TCF4: variants seen among roughly 807,000 people sequenced by gnomAD.
The protein encoded by TCF4 is transcription factor 4, also known as SL3-3 enhancer factor 2.
TCF4 carries 3 observed loss-of-function variants against 82.1 expected under a neutral mutation model. That is an observed-to-expected ratio of 0.04 (90% CI 0.02 to 0.09). The LOEUF (loss-of-function observed/expected upper bound fraction) is 0.09, where lower values mean the gene tolerates loss of function less well. TCF4 is among the 10% of genes least tolerant of loss of function. The pLI is 1.00. For missense variants in TCF4, 518 were observed against 852.7 expected (o/e 0.61, Z 4.89); for synonymous variants, 276 against 309.6 (o/e 0.89, Z 1.14).
In TCF4 at chr18:55,588,168, G is replaced by A. The variant is rs2097671400; in HGVS notation, c.-151C>T. ...CGCCTGCTGCCTCCCCGCCGCCGCCGCCGCCGCCGCCACTACAGATCCGCA... is the reference window on the plus strand; with the variant it reads ...CGCCTGCTGCCTCCCCGCCGCCGCCACCGCCGCCGCCACTACAGATCCGCA... On this transcript the variant is annotated 5_prime_UTR_variant, in exon 1 of 20. Transcript: ENST00000354452. 1 of 1,112,644 alleles carries A rather than the reference G, an allele frequency of 9.0e-7. No homozygotes were observed. The highest frequency in any genetic ancestry group is 1.1e-6 in the Non-Finnish European group (1 of 917,614). 68.9% of individuals were successfully genotyped at this position (1,112,644 alleles called of 1,614,324 possible). A position where few individuals can be genotyped will look rare whatever the true frequency, so the allele number is the denominator to read the frequency against.
chr18:55,624,078 A>G (rs1012442652), intron 2 of TCF4, among the ~76,000 whole-genome samples: 1 of 152,318 alleles, frequency 6.6e-6, no homozygotes, highest in South Asian at 2.1e-4. Context: ...TGCTTTCATC[A>G]GGTAACTTAG....
intron 15 of TCF4, among the ~76,000 whole-genome samples, chr18:55,237,336 T>C (rs1344376748): frequency 6.6e-6 from 1 of 152,196 alleles, no homozygotes; most frequent in African/African-American, 2.4e-5. Context: ...TCTGAGGATA[T>C]AGTTGTTCCA....
At chr18:55,250,993 G>GT (rs1248623875) in intron 15 of TCF4, among the ~76,000 whole-genome samples, 1 of 152,108 alleles carries the variant, frequency 6.6e-6, no homozygotes, top group Non-Finnish European at 1.5e-5. Flanking sequence ...GAATGGGTGG[G>GT]TATTAGGTGT....
chr18:55,591,132 G>A (rs1368560891), upstream of TCF4: 1 of 152,210 alleles, frequency 6.6e-6, no homozygotes, highest in African/African-American at 2.4e-5. Context: ...AGTTTTTACA[G>A]AACAAGAATT....
chr18:55,437,089 C>T (rs1180939480), intron 5 of TCF4, among the ~76,000 whole-genome samples: 1 of 152,250 alleles, frequency 6.6e-6, no homozygotes, highest in Non-Finnish European at 1.5e-5. Flanking sequence ...AAGATTCCCA[C>T]TTCACTGTTG....
intron 5 of TCF4, among the ~76,000 whole-genome samples, chr18:55,459,235 G>A (rs755970191): frequency 3.3e-5 from 5 of 152,148 alleles, no homozygotes; most frequent in Admixed American, 6.5e-5. Flanking sequence ...AGCTCTCTCC[G>A]CTCTAGACTG....
chr18:55,545,462 T>G (rs2097198227), intron 3 of TCF4, among the ~76,000 whole-genome samples: 1 of 152,170 alleles, frequency 6.6e-6, no homozygotes, highest in African/African-American at 2.4e-5. Context: ...TGTTTTTGTT[T>G]TTTTGAGACA....
At chr18:55,468,881 GCC>G (rs5825142) in intron 3 of TCF4, among the ~76,000 whole-genome samples, 7,343 of 106,114 alleles carry the variant, frequency 0.069, 355 homozygotes, top group Admixed American at 0.18. Flanking sequence ...TTTAGTTCTC[GCC>G]CCCCCCCCCC....
intron 6 of TCF4, among the ~76,000 whole-genome samples, chr18:55,388,905 C>T (rs530658334): frequency 3.9e-4 from 60 of 152,062 alleles, no homozygotes; most frequent in African/African-American, 1.3e-3. Flanking sequence ...GGGTGGATCA[C>T]GAGGTCAGGA....
At chr18:55,403,599 C>A in intron 5 of TCF4, 81 bp from the exon 6 acceptor site, 2 of 1,613,226 alleles carry the variant, frequency 1.2e-6, no homozygotes, top group Non-Finnish European at 1.7e-6. Flanking sequence ...ACATCTACTG[C>A]TCTTCCCCGA....
At chr18:55,385,409 T>A (rs2092499808) in intron 6 of TCF4, among the ~76,000 whole-genome samples, 1 of 152,198 alleles carries the variant, frequency 6.6e-6, no homozygotes, top group Admixed American at 6.5e-5. Context: ...TTTCATAAAA[T>A]AACTTTTTTT....
At chr18:55,407,642 T>A (rs2094157514) in intron 5 of TCF4, among the ~76,000 whole-genome samples, 1 of 118,000 alleles carries the variant, frequency 8.5e-6, no homozygotes, top group Admixed American at 8.4e-5. Flanking sequence ...GGCAAGCAAC[T>A]TCCATATAAA....
intron 6 of TCF4, among the ~76,000 whole-genome samples, chr18:55,391,163 CAT>C (rs908755019): frequency 6.6e-5 from 10 of 152,314 alleles, no homozygotes; most frequent in African/African-American, 1.9e-4. Flanking sequence ...TCACTCTACA[CAT>C]GACAGTTCTG....
intron 8 of TCF4, among the ~76,000 whole-genome samples, chr18:55,343,200 A>G (rs1178288027): frequency 6.6e-6 from 1 of 152,134 alleles, no homozygotes; most frequent in Non-Finnish European, 1.5e-5. Flanking sequence ...TCTTTCTAAT[A>G]TGGCTCCATG....
At chr18:55,435,348 C>T (rs2095306686) in intron 5 of TCF4, among the ~76,000 whole-genome samples, 1 of 152,166 alleles carries the variant, frequency 6.6e-6, no homozygotes, top group South Asian at 2.1e-4. Flanking sequence ...TTAGATTTGG[C>T]TCCATGATAT....
chr18:55,430,449 T>C (rs946157863), intron 5 of TCF4, among the ~76,000 whole-genome samples: 3 of 152,192 alleles, frequency 2.0e-5, no homozygotes, highest in Non-Finnish European at 4.4e-5. Flanking sequence ...ACAATTGCAT[T>C]TGGGCTCCCA....
rs2093135816 is a variant in TCF4 at position 55,391,903 on chromosome 18, A to G, written c.369+11551T>C. Among the ~76,000 whole-genome samples, 3 of 144,100 alleles carry G rather than the reference A, an allele frequency of 2.1e-5. No individual in the cohort carries two copies. The South Asian group carries it at 7.0e-4, about 34-fold the overall frequency. The allele number at this position is 144,100 out of a possible 152,430, so 94.5% of individuals were successfully genotyped here. A position where few individuals can be genotyped will look rare whatever the true frequency, so the allele number is the denominator to read the frequency against. ...CAGTGAGCAGAGATTGTGCCACTGC[A>G]CTGCAGCCTGGGCGACAGAGTGAGA... On this transcript the variant is annotated intron_variant, in intron 6 of 19. Transcript: ENST00000354452.
chr18:55,405,867 T>C (rs1046858258), intron 5 of TCF4, among the ~76,000 whole-genome samples: 1 of 152,164 alleles, frequency 6.6e-6, no homozygotes, highest in South Asian at 2.1e-4. Flanking sequence ...TCATATCAGA[T>C]ACAGACTGCT....
intron 3 of TCF4, among the ~76,000 whole-genome samples, chr18:55,548,337 A>T (rs2097224421): frequency 6.6e-6 from 1 of 152,208 alleles, no homozygotes; most frequent in Non-Finnish European, 1.5e-5. Flanking sequence ...TACGTTCTGT[A>T]GCCACACAGA....
Sources: allele counts gnomAD v4.1 joint callset (sites outside exome capture counted in the v4.1 genomes callset), GRCh38; gene constraint gnomAD v4.1.1; transcripts MANE v1.5; gene names NCBI Gene and HGNC (gene_info 2026-07-23, HGNC 2026-07-21).